PTPRN2: variants seen among roughly 807,000 people sequenced by gnomAD.
PTPRN2 encodes the protein receptor-type tyrosine-protein phosphatase N2.
PTPRN2 carries 74 observed loss-of-function variants against 118.8 expected under a neutral mutation model. The observed-to-expected ratio is 0.62, with a 90% CI of 0.52 to 0.76. The LOEUF (loss-of-function observed/expected upper bound fraction) is 0.76, where lower values mean the gene tolerates loss of function less well. Among genes scored for constraint, PTPRN2 ranks in the 30% least tolerant of loss-of-function variants. The pLI is 0.00. For missense variants in PTPRN2, 1,481 were observed against 1,394.4 expected, an observed-to-expected ratio of 1.06 and a Z score of -0.99; for synonymous variants, 641 against 608.0, an observed-to-expected ratio of 1.05 and a Z score of -0.80.
chr7:158,155,552 A>AATG (rs1411402195), intron 6 of PTPRN2, among the ~76,000 whole-genome samples: 1 of 130,488 alleles, frequency 7.7e-6, no homozygotes, highest in African/African-American at 3.2e-5. Context: ...CACCATCAAC[A>AATG]CCATCATCAT....
In PTPRN2 at chr7:157,643,588, C is replaced by G. The variant is rs566534309; in HGVS notation, c.2196+12769G>C. Among the ~76,000 whole-genome samples, 5 of 152,334 alleles carry G rather than the reference C, an allele frequency of 3.3e-5. No individual in the cohort carries two copies. The East Asian group carries it at 9.7e-4, about 29-fold the overall frequency. On this transcript the variant is annotated intron_variant, in intron 14 of 22. Coordinates refer to ENST00000389418, the MANE Select transcript of PTPRN2 (RefSeq NM_002847.5). ...ACGGGCACACCCACGGCCCGGGCAT[C>G]CCAGGGAAATCCAGAACCAGTGGCT...
At chr7:158,333,862 G>T (rs370983927) in intron 2 of PTPRN2, among the ~76,000 whole-genome samples, 1 of 136,360 alleles carries the variant, frequency 7.3e-6, no homozygotes. Flanking sequence ...ACCCGCAGAC[G>T]TCACTCACAC....
At chr7:157,942,796 G>A (rs1800231277) in intron 11 of PTPRN2, among the ~76,000 whole-genome samples, 1 of 152,162 alleles carries the variant, frequency 6.6e-6, no homozygotes, top group African/African-American at 2.4e-5. Context: ...CATCTCTGAT[G>A]ACAGGCAGTG....
intron 12 of PTPRN2, among the ~76,000 whole-genome samples, chr7:157,691,365 C>T: frequency 6.6e-6 from 1 of 152,078 alleles, no homozygotes; most frequent in East Asian, 1.9e-4. Flanking sequence ...CCACTCTTGG[C>T]AAGAGAAAAT....
At chr7:158,379,905 C>G (rs1029366085) in intron 2 of PTPRN2, among the ~76,000 whole-genome samples, 5 of 152,188 alleles carry the variant, frequency 3.3e-5, no homozygotes, top group Non-Finnish European at 7.3e-5. Context: ...AGCAAAGTCA[C>G]ATCTCACATG....
chr7:158,244,441 CGTGA>C (rs1428905738), intron 3 of PTPRN2, among the ~76,000 whole-genome samples: 1 of 152,114 alleles, frequency 6.6e-6, no homozygotes, highest in Non-Finnish European at 1.5e-5. Flanking sequence ...GTGTGTTTTG[CGTGA>C]GTGTGAATGA....
rs1796987415 is a variant in PTPRN2 at position 157,683,015 on chromosome 7, C to G, written c.1789-78G>C. On this transcript the variant is annotated intron_variant, in intron 12 of 22. Transcript: ENST00000389418. ...TAAAAACACACGTCTCCAAATGCAACTTGAAAGTGGAAAGCTCAGCCCCAC... is the reference window on the plus strand; with the variant it reads ...TAAAAACACACGTCTCCAAATGCAAGTTGAAAGTGGAAAGCTCAGCCCCAC... The G allele has an allele frequency of 2.3e-6, 3 of 1,291,048 alleles. No individual in the cohort carries two copies. In the African/African-American group the frequency reaches 4.4e-5, roughly 19 times the overall value. 80.0% of individuals were successfully genotyped at this position (1,291,048 alleles called of 1,614,324 possible).
intron 2 of PTPRN2, among the ~76,000 whole-genome samples, chr7:158,323,876 C>A (rs545365261): frequency 6.6e-6 from 1 of 152,118 alleles, no homozygotes; most frequent in South Asian, 2.1e-4. Flanking sequence ...CCTGCATGAA[C>A]CAACACACAC....
chr7:158,365,755 C>G (rs532306195), intron 2 of PTPRN2, among the ~76,000 whole-genome samples: 29 of 145,162 alleles, frequency 2.0e-4, no homozygotes, highest in Non-Finnish European at 3.3e-4. Flanking sequence ...GAAGCCGAAG[C>G]CCAGTGCACA....
intron 2 of PTPRN2, among the ~76,000 whole-genome samples, chr7:158,428,211 C>G (rs1040118212): frequency 6.6e-6 from 1 of 152,348 alleles, no homozygotes; most frequent in Admixed American, 6.5e-5. Context: ...GGGGCACTCT[C>G]TCATCCCAAA....
At chr7:158,267,516 G>A (rs1034363850) in intron 3 of PTPRN2, among the ~76,000 whole-genome samples, 5 of 152,124 alleles carry the variant, frequency 3.3e-5, no homozygotes, top group African/African-American at 1.2e-4. Flanking sequence ...GATGATGGAC[G>A]TGGGCTCCAC....
chr7:157,911,333 A>G lies in PTPRN2; in HGVS notation c.1724-12596T>C, dbSNP rs184779869. Among the ~76,000 whole-genome samples the G allele has an allele frequency of 3.0e-3, 456 of 152,282 alleles. 2 individuals carry two copies. Among genetic ancestry groups the G allele is most frequent in the Middle Eastern group, 6.8e-3 (2 of 294 alleles). ...ATGCAAAGACGCTCATTTCTACCTG[A>G]ACAGCCAGGGTCCCATCCTGCTTAG... On this transcript the variant is annotated intron_variant, in intron 11 of 22. Transcript: ENST00000389418.
chr7:158,070,997 G>GC (rs1430580923), intron 11 of PTPRN2, among the ~76,000 whole-genome samples: 14 of 122,070 alleles, frequency 1.1e-4, no homozygotes, highest in Non-Finnish European at 2.1e-4. Flanking sequence ...TGGTGGAGGT[G>GC]CTCATGGTGG....
rs1797436024 is a variant in PTPRN2 at position 157,690,731 on chromosome 7, G to A, written c.1789-7794C>T. ...CCGCTTCTGACCACAAACTTCTAGG[G>A]CGGCCGGAGGAGACAAAGGTGCCGC... is the stretch of plus-strand genomic sequence containing the variant. On this transcript the variant is annotated intron_variant, in intron 12 of 22. Transcript: ENST00000389418. This position sits in a 1 kb window ranked among gnomAD's most constrained non-coding sequence, Gnocchi z 7.1. Among the ~76,000 whole-genome samples the A allele has an allele frequency of 6.6e-6, 1 of 151,452 alleles. No homozygotes were observed. Among genetic ancestry groups the A allele is most frequent in the Admixed American group, 6.6e-5 (1 of 15,208 alleles).
chr7:158,356,416 C>G, intron 2 of PTPRN2, among the ~76,000 whole-genome samples: 1 of 152,178 alleles, frequency 6.6e-6, no homozygotes, highest in East Asian at 1.9e-4. Flanking sequence ...CTTCTTTTTC[C>G]TTCCCTATCA....
At chr7:158,240,104 T>C (rs1326116324) in intron 3 of PTPRN2, among the ~76,000 whole-genome samples, 2 of 152,202 alleles carry the variant, frequency 1.3e-5, no homozygotes, top group Non-Finnish European at 2.9e-5. Context: ...TTGGGGCTTA[T>C]GTGCATTATT....
intron 12 of PTPRN2, among the ~76,000 whole-genome samples, chr7:157,806,733 G>A (rs993627728): frequency 1.3e-5 from 2 of 152,176 alleles, no homozygotes; most frequent in Non-Finnish European, 2.9e-5. Flanking sequence ...GATGATTTCC[G>A]TGGCCTGCCA....
intron 11 of PTPRN2, among the ~76,000 whole-genome samples, chr7:157,962,228 C>T (rs751136931): frequency 3.9e-5 from 6 of 152,140 alleles, no homozygotes; most frequent in East Asian, 1.9e-4. Context: ...TTAGCATAAA[C>T]GATTACAAAT....
chr7:158,575,268 C>T (rs967127084), intron 1 of PTPRN2, among the ~76,000 whole-genome samples: 1 of 152,058 alleles, frequency 6.6e-6, no homozygotes, highest in African/African-American at 2.4e-5. Flanking sequence ...GAATATCTGA[C>T]GTTCTTTCAG....
Sources: allele counts gnomAD v4.1 joint callset (sites outside exome capture counted in the v4.1 genomes callset), GRCh38; gene constraint gnomAD v4.1.1; non-coding constraint Gnocchi (gnomAD v3.1); transcripts MANE v1.5; gene names NCBI Gene and HGNC (gene_info 2026-07-23, HGNC 2026-07-21).